EML6: variants seen among roughly 807,000 people sequenced by gnomAD.
EML6 encodes the protein EMAP like 6, also known as echinoderm microtubule-associated protein-like 6.
A neutral mutation model predicts 240.1 loss-of-function variants in EML6; 154 were observed. The ratio of observed to expected loss-of-function variants is 0.64; its 90% CI spans 0.56 to 0.73. EML6 has a LOEUF of 0.73. Ranked by LOEUF, EML6 falls within the 30% of genes least tolerant of loss-of-function variation. The probability of loss-of-function intolerance (pLI) is 0.00; values close to 1 mark genes in which losing one functional copy is unlikely to be tolerated. For missense variants in EML6, 2,964 were observed against 2,474.6 expected (o/e 1.20, Z -4.20); for synonymous variants, 1,148 against 899.0 (o/e 1.28, Z -4.95).
Position 54,903,044 on chromosome 2 carries a change from G to C in EML6, c.3125G>C (p.Gly1042Ala). The C allele has an allele frequency of 6.4e-7, 1 of 1,550,546 alleles. No individual in the cohort carries two copies. The highest frequency in any genetic ancestry group is 1.2e-5 in the South Asian group (1 of 83,572). Residue 1042 changes from glycine (G) to alanine (A), a missense_variant and splice_region_variant, in exon 23 of 42, where the codon GGT becomes GCT. By Grantham distance (60) the Gly-to-Ala change is moderately conservative (BLOSUM62 0). Transcript: ENST00000356458. The part of the protein sequence containing the change: ...RMLAVRKLKK[G>A]GRCCAFSPDG... The stretch of plus-strand genomic sequence containing the variant: ...GTGTTTTTTGTGGATTCTTCTGTAG[G>C]TGGAAGATGCTGTGCCTTTTCCCCT...
chr2:54,792,700 CT>C (rs1352909692), intron 2 of EML6, among the ~76,000 whole-genome samples: 2 of 152,190 alleles, frequency 1.3e-5, no homozygotes, highest in Non-Finnish European at 2.9e-5. Context: ...TGAAAAAATA[CT>C]GCTAAAAAAG....
chr2:54,845,482 T>C (rs1220280923), intron 8 of EML6, among the ~76,000 whole-genome samples: 8 of 152,226 alleles, frequency 5.3e-5, no homozygotes, highest in African/African-American at 1.9e-4. Context: ...TTATTCCCTT[T>C]AACCATTAAT....
rs999302099 is a variant in EML6, at chr2:54,850,190, A to G, written c.1416A>G (p.Ala472=). Residue 472 remains alanine (A), a synonymous_variant, in exon 10 of 42, where the codon GCA becomes GCG. Transcript: ENST00000356458. ...DSKYLQTNDG[A]GERLFYRMPS... ...AATACTTACAAACTAATGACGGTGC[A>G]GGAGAACGATTGTTCTACAGAATGC... 1 of 1,551,600 alleles carries G rather than the reference A, an allele frequency of 6.4e-7. No homozygotes were observed. The highest frequency in any genetic ancestry group is 2.0e-5 in the Admixed American group (1 of 50,990).
At position 54,789,376 on chromosome 2, in the gene EML6, T is replaced by C. The variant is rs1029660253; in HGVS notation, c.198-23856T>C. 6.0e-5 allele frequency among the ~76,000 whole-genome samples: 9 copies of C among 150,164 alleles called. No individual in the cohort carries two copies. In the South Asian group the frequency reaches 8.4e-4, roughly 14 times the overall value. On this transcript the variant is annotated intron_variant, in intron 2 of 41. Coordinates refer to ENST00000356458, the MANE Select transcript of EML6 (RefSeq NM_001039753.4). ...AAAATACAAAAAAATTAGCCGGGCG[T>C]GATGGCGGGCGCCTGTAGTCCCAGC...
chr2:54,802,519 C>A (rs181876333), intron 2 of EML6, among the ~76,000 whole-genome samples: 4 of 151,746 alleles, frequency 2.6e-5, no homozygotes, highest in African/African-American at 9.7e-5. Context: ...CCCAGCTACT[C>A]GAGAGGCTGA....
intron 2 of EML6, among the ~76,000 whole-genome samples, chr2:54,753,589 C>G (rs894226847): frequency 7.3e-5 from 11 of 151,608 alleles, no homozygotes; most frequent in South Asian, 2.1e-4. Flanking sequence ...TGGGCAGCCT[C>G]TAGAAGGTAG....
chr2:54,771,465 G>A (rs944214215), intron 2 of EML6, among the ~76,000 whole-genome samples: 2 of 152,200 alleles, frequency 1.3e-5, no homozygotes, highest in Non-Finnish European at 2.9e-5. Context: ...TGCCTCAACT[G>A]GTCTTCATCA....
intron 13 of EML6, among the ~76,000 whole-genome samples, 159 bp from the exon 14 acceptor site, chr2:54,866,607 G>A: frequency 6.6e-6 from 1 of 152,132 alleles, no homozygotes; most frequent in East Asian, 1.9e-4. Flanking sequence ...GTTCATATTA[G>A]TTTTATTCAT....
chr2:54,959,783 AAG>A (rs1352101245), intron 34 of EML6, among the ~76,000 whole-genome samples: 170 of 152,260 alleles, frequency 1.1e-3, no homozygotes, highest in African/African-American at 3.8e-3. Flanking sequence ...AATAAATTAA[AAG>A]AAAATCTTGA....
chr2:54,740,332 G>C (rs761669513), intron 2 of EML6, among the ~76,000 whole-genome samples: 7 of 152,142 alleles, frequency 4.6e-5, no homozygotes, highest in Admixed American at 1.3e-4. Flanking sequence ...ACAGGGGTAG[G>C]AGGCAAACCA....
At chr2:54,787,136 A>G (rs1045399857) in intron 2 of EML6, among the ~76,000 whole-genome samples, 5 of 152,130 alleles carry the variant, frequency 3.3e-5, no homozygotes, top group Non-Finnish European at 7.4e-5. Flanking sequence ...GGAGTTGTGC[A>G]GTGTGCGTTG....
chr2:54,775,509 C>T (rs1352798142), intron 2 of EML6, among the ~76,000 whole-genome samples: 1 of 152,182 alleles, frequency 6.6e-6, no homozygotes, highest in Non-Finnish European at 1.5e-5. Flanking sequence ...CTTTCCTGAC[C>T]TCTTTATATA....
At chr2:54,792,763 T>A (rs1669522258) in intron 2 of EML6, among the ~76,000 whole-genome samples, 1 of 152,182 alleles carries the variant, frequency 6.6e-6, no homozygotes, top group African/African-American at 2.4e-5. Flanking sequence ...TGGGATAAAA[T>A]AGAAATACGC....
In EML6 at chr2:54,960,201, C is replaced by A; in HGVS notation, c.4854-19C>A. 2 of 1,516,816 alleles carry A rather than the reference C, an allele frequency of 1.3e-6. No homozygotes were observed. The highest frequency in any genetic ancestry group is 9.0e-7 in the Non-Finnish European group (1 of 1,115,666). The allele number at this position is 1,516,816 out of a possible 1,614,324, so 94.0% of individuals were successfully genotyped here. On this transcript the variant is annotated intron_variant, in intron 34 of 41. Coordinates refer to ENST00000356458, the MANE Select transcript of EML6 (RefSeq NM_001039753.4). ...TAGGATGAGGGTTAACAGCCTGAGTCCCTTTCAATCTTTTTTAGGACCAAA... is the reference window on the plus strand; with the variant it reads ...TAGGATGAGGGTTAACAGCCTGAGTACCTTTCAATCTTTTTTAGGACCAAA...
Position 54,903,105 on chromosome 2 carries a change from G to A in EML6, c.3186G>A (p.Gly1062=). 6.4e-7 allele frequency: 1 copy of A among 1,551,772 alleles called. No homozygotes were observed. Among genetic ancestry groups the A allele is most frequent in the East Asian group, 2.4e-5 (1 of 40,916 alleles). The part of the protein sequence containing the change: ...GKALAVGLND[G]SFLVVNADTV... The stretch of plus-strand genomic sequence containing the variant: ...CCTTAGCGGTTGGCTTGAACGATGG[G>A]AGTTTCCTGGTGGTAAATGCTGACA... Residue 1062 remains glycine (G), a synonymous_variant, in exon 23 of 42, where the codon GGG becomes GGA. Coordinates refer to ENST00000356458, the MANE Select transcript of EML6 (RefSeq NM_001039753.4).
At chr2:54,913,379 C>G (rs970430413) in intron 25 of EML6, among the ~76,000 whole-genome samples, 14 of 152,048 alleles carry the variant, frequency 9.2e-5, no homozygotes, top group Middle Eastern at 3.4e-3. Context: ...TCCCGAGTAG[C>G]TGGGACTGTA....
intron 3 of EML6, among the ~76,000 whole-genome samples, chr2:54,814,140 A>C (rs1667980325): frequency 6.6e-6 from 1 of 152,200 alleles, no homozygotes; most frequent in South Asian, 2.1e-4. Flanking sequence ...TGGGCATTCT[A>C]TTTTAGCCAA....
Position 54,900,009 on chromosome 2 carries a change from T to C in EML6, c.3124+227T>C, listed in dbSNP as rs369660370. On this transcript the variant is annotated intron_variant, in intron 22 of 41. Transcript: ENST00000356458. ...ATTTTTCACTTCATTTTCCTTGCAC[T>C]GCACAGATATTTGCCACCTGGGGGC... Among the ~76,000 whole-genome samples, 14 of 152,326 alleles carry C rather than the reference T, an allele frequency of 9.2e-5. No homozygotes were observed. The South Asian group carries it at 2.7e-3, about 29-fold the overall frequency.
At chr2:54,942,502 G>T (rs1675481493) in intron 28 of EML6, among the ~76,000 whole-genome samples, 1 of 152,174 alleles carries the variant, frequency 6.6e-6, no homozygotes, top group Admixed American at 6.5e-5. Flanking sequence ...GTGTGGTCAG[G>T]ATGTGGTAAC....
Sources: allele counts gnomAD v4.1 joint callset (sites outside exome capture counted in the v4.1 genomes callset), GRCh38; gene constraint gnomAD v4.1.1; transcripts MANE v1.5; gene names NCBI Gene and HGNC (gene_info 2026-07-23, HGNC 2026-07-21).